The following SGCD variants were observed in gnomAD, a reference collection of about 807,000 sequenced individuals.
The protein encoded by SGCD is sarcoglycan delta, also known as delta-sarcoglycan.
SGCD carries 18 observed loss-of-function variants against 36.6 expected under a neutral mutation model. That is an observed-to-expected ratio of 0.49 (90% confidence interval 0.34 to 0.73). SGCD has a LOEUF of 0.73. Among genes scored for constraint, SGCD ranks in the 30% least tolerant of loss-of-function variants. SGCD has a pLI of 0.01. For missense variants in SGCD, 387 were observed against 346.7 expected (o/e 1.12, Z -0.92); for synonymous variants, 133 against 130.6 (o/e 1.02, Z -0.12).
chr5:156,272,827 T>C (rs1766214035), intron 3 of SGCD, among the ~76,000 whole-genome samples: 1 of 152,214 alleles, frequency 6.6e-6, no homozygotes, highest in African/African-American at 2.4e-5. Flanking sequence ...AGTTACTCTT[T>C]TTGGCTTTGT....
At chr5:156,031,171 A>G (rs1435497513) in intron 1 of SGCD, among the ~76,000 whole-genome samples, 1 of 152,164 alleles carries the variant, frequency 6.6e-6, no homozygotes, top group East Asian at 1.9e-4. Flanking sequence ...GCTTTTTATG[A>G]CACAGATTCC....
intron 2 of SGCD, among the ~76,000 whole-genome samples, chr5:156,119,318 T>C (rs1475911605): frequency 6.6e-6 from 1 of 152,154 alleles, no homozygotes; most frequent in Non-Finnish European, 1.5e-5. Flanking sequence ...TGAATGTCAA[T>C]ATGCTCCAGG....
chr5:156,679,154 T>C (rs550941789), intron 7 of SGCD, among the ~76,000 whole-genome samples: 1 of 152,324 alleles, frequency 6.6e-6, no homozygotes, highest in East Asian at 1.9e-4. Flanking sequence ...AAGTGATTGA[T>C]GCAAAATGCT....
At chr5:155,818,074 G>T in the SGCD span, among the ~76,000 whole-genome samples, 20 of 152,244 alleles carry the variant, frequency 1.3e-4, no homozygotes, top group African/African-American at 4.6e-4. Context: ...TTGCCGAGAA[G>T]AATACTAAAG....
chr5:156,623,719 T>A (rs1050098433), intron 6 of SGCD, among the ~76,000 whole-genome samples: 10 of 152,200 alleles, frequency 6.6e-5, no homozygotes, highest in African/African-American at 2.4e-4. Context: ...CGATATGAAA[T>A]CAATATGCAG....
chr5:156,605,628 A>T (rs1561809492), intron 6 of SGCD, among the ~76,000 whole-genome samples: 1 of 152,178 alleles, frequency 6.6e-6, no homozygotes, highest in Non-Finnish European at 1.5e-5. Context: ...CGCCACACTG[A>T]CTTCCACAAT....
At chr5:156,344,449 G>C (rs748948024) in intron 2 of SGCD, 40 bp from the exon 3 acceptor site, 61 of 1,401,680 alleles carry the variant, frequency 4.4e-5, no homozygotes, top group Admixed American at 7.8e-5. Flanking sequence ...TCTCTCAGCG[G>C]TTTAATGTGA....
rs139631687 is a variant in SGCD, at chr5:156,206,116, G to A, written c.-44+82097G>A. Reference sequence around the variant, plus strand: ...TACTTTGTACTCAAAGATCATGCATGATATATATTATTTTATACCTTGGTG... The same window carrying A: ...TACTTTGTACTCAAAGATCATGCATAATATATATTATTTTATACCTTGGTG... On this transcript the variant is annotated intron_variant, in intron 3 of 9. Transcript: ENST00000517913. Among the ~76,000 whole-genome samples, 321 of 151,130 alleles carry A rather than the reference G, an allele frequency of 2.1e-3. 1 individual carries two copies. The highest frequency in any genetic ancestry group is 4.0e-3 in the Non-Finnish European group (274 of 67,724).
chr5:156,433,837 C>G (rs1359588020), intron 3 of SGCD, among the ~76,000 whole-genome samples: 3 of 152,268 alleles, frequency 2.0e-5, no homozygotes, highest in East Asian at 1.9e-4. Flanking sequence ...AAGCCCCTTT[C>G]CCAAAGTGTC....
rs114418252 is a variant in SGCD at position 155,999,671 on chromosome 5, G to A, written c.-281-118207G>A. Among the ~76,000 whole-genome samples the A allele has an allele frequency of 8.4e-3, 1,276 of 152,178 alleles. 18 individuals are homozygous for A. The highest frequency in any genetic ancestry group is 0.03 in the African/African-American group (1,228 of 41,504). On this transcript the variant is annotated intron_variant, in intron 1 of 9. Transcript: ENST00000517913. ...CAGTGGCAACACAAAGGTGTCTTTC[G>A]TCTTCCTTAGAAACCCATTGGCAGA...
rs536084848 is a variant in SGCD, at chr5:156,072,112, A to T, written c.-281-45766A>T. 4.6e-5 allele frequency among the ~76,000 whole-genome samples: 7 copies of T among 152,030 alleles called. No individual in the cohort carries two copies. The East Asian group carries it at 1.4e-3, about 29-fold the overall frequency. ...TTGCCAGTCTGTGTCTTTTAATTGG[A>T]GCATTTAGTCCATTTACATTTAAAG... On this transcript the variant is annotated intron_variant, in intron 1 of 9. Coordinates refer to the SGCD transcript ENST00000517913.
chr5:155,799,051 A>G, the SGCD span, among the ~76,000 whole-genome samples: 12 of 152,332 alleles, frequency 7.9e-5, no homozygotes, highest in South Asian at 2.1e-4. Flanking sequence ...TGAACAAGGC[A>G]TCATTGCAGT....
At chr5:155,891,558 C>CTTTTTTTTTTATTTTTTTTTTTT (rs1756130245) in intron 1 of SGCD, among the ~76,000 whole-genome samples, 1 of 60,778 alleles carries the variant, frequency 1.6e-5, no homozygotes, top group Non-Finnish European at 2.8e-5. Context: ...AATAAATACT[C>CTTTTTTTTTTATTTTTTTTTTTT]TTTTTTTTTT....
chr5:156,226,360 G>A (rs1414925946), intron 3 of SGCD, among the ~76,000 whole-genome samples: 3 of 152,068 alleles, frequency 2.0e-5, no homozygotes, highest in African/African-American at 2.4e-5. Flanking sequence ...TACAATAAGA[G>A]TCTCCAATCT....
At chr5:156,530,655 C>T (rs1158990696) in intron 4 of SGCD, among the ~76,000 whole-genome samples, 1 of 151,744 alleles carries the variant, frequency 6.6e-6, no homozygotes, top group Non-Finnish European at 1.5e-5. Flanking sequence ...TCTCGGCTCA[C>T]TGCAACCTCC....
chr5:155,787,250 A>G, the SGCD span, among the ~76,000 whole-genome samples: 1 of 152,278 alleles, frequency 6.6e-6, no homozygotes, highest in African/African-American at 2.4e-5. Flanking sequence ...TTGTGCCTAT[A>G]AAACAAACCC....
the SGCD span, among the ~76,000 whole-genome samples, chr5:155,838,453 T>G: frequency 2.0e-5 from 3 of 152,226 alleles, no homozygotes; most frequent in South Asian, 4.1e-4. Flanking sequence ...ATTCTATATT[T>G]TGCTGATGAT....
chr5:156,115,923 G>T (rs951834919), intron 1 of SGCD, among the ~76,000 whole-genome samples: 1 of 152,006 alleles, frequency 6.6e-6, no homozygotes, highest in Non-Finnish European at 1.5e-5. Flanking sequence ...TTGATCACAC[G>T]TAGCTTCACC....
intron 1 of SGCD, among the ~76,000 whole-genome samples, chr5:155,941,822 G>T (rs141464768): frequency 0.016 from 2,454 of 152,190 alleles, 27 homozygotes; most frequent in South Asian, 0.031. Context: ...ACTATAGGAG[G>T]TGAAGTAGCT....
Sources: gnomAD v4.1 joint callset for allele counts (sites outside exome capture counted in the v4.1 genomes callset) on GRCh38, gnomAD v4.1.1 for gene constraint, MANE v1.5 for transcripts, NCBI Gene and HGNC (gene_info 2026-07-23, HGNC 2026-07-21) for gene names.